The following NEB variants were observed in gnomAD, a reference collection of about 807,000 sequenced individuals.
The protein encoded by NEB is nebulin.
Under a neutral mutation model 952.2 loss-of-function variants are expected in NEB, and 512 were observed. That is an observed-to-expected ratio of 0.54 (90% CI 0.50 to 0.58). The LOEUF (loss-of-function observed/expected upper bound fraction) is 0.58, where lower values mean the gene tolerates loss of function less well. Among genes scored for constraint, NEB ranks in the 20% least tolerant of loss-of-function variants. NEB has a pLI of 0.00. For synonymous variants in NEB, 2,900 were observed against 3,149.8 expected (o/e 0.92, Z 2.66); for missense variants, 8,428 against 9,231.1 (o/e 0.91, Z 3.56).
intron 59 of NEB, 21 bp downstream of exon 59, chr2:151,642,744 C>T (rs1478827099): frequency 4.4e-6 from 7 of 1,603,076 alleles, no homozygotes; most frequent in Non-Finnish European, 4.3e-6. Flanking sequence ...ATGTATCACG[C>T]ACTATGAATA....
chr2:151,653,825 G>A (rs544666336), intron 52 of NEB, among the ~76,000 whole-genome samples, 167 bp downstream of exon 52: 1 of 152,168 alleles, frequency 6.6e-6, no homozygotes, highest in Admixed American at 6.6e-5. Flanking sequence ...TTTGACATAT[G>A]AACAGTGAAA....
At chr2:151,595,268 G>T (rs1474594994) in intron 92 of NEB, among the ~76,000 whole-genome samples, 1 of 144,348 alleles carries the variant, frequency 6.9e-6, no homozygotes, top group Non-Finnish European at 1.5e-5. Flanking sequence ...ATTTTTTTTT[G>T]AAACGCAGTT....
At chr2:151,493,727 G>T in intron 175 of NEB, 48 bp downstream of exon 175, 1 of 1,345,768 alleles carries the variant, frequency 7.4e-7, no homozygotes, top group Non-Finnish European at 1.0e-6. Context: ...AACCATGTTT[G>T]CCAGGGCTGT....
chr2:151,684,873 CGCTGGCAATT>C lies in NEB; in HGVS notation c.2730_2739del (p.Ile911ThrfsTer43). On this transcript the variant is annotated frameshift_variant, in exon 28 of 182. Transcript: ENST00000397345. LOFTEE classifies it high-confidence loss of function. ...TGTAAGATGTGCTTATAATCAACGT[CGCTGGCAATT>C]GCCTGAGATTTCTTAGCTTGAGTGA... is the stretch of plus-strand genomic sequence containing the variant. The C allele has an allele frequency of 1.9e-6, 3 of 1,613,220 alleles. No individual in the cohort carries two copies. Among genetic ancestry groups the C allele is most frequent in the Non-Finnish European group, 2.5e-6 (3 of 1,179,476 alleles).
chr2:151,569,151 A>T, intron 110 of NEB, 117 bp downstream of exon 110: 2 of 820,774 alleles, frequency 2.4e-6, no homozygotes, highest in Non-Finnish European at 4.0e-6. Context: ...TGCTCAGTTT[A>T]AATCACAGCA....
Position 151,617,485 on chromosome 2 carries a change from AAAAGAG to A in NEB, c.11077-23_11077-18del, listed in dbSNP as rs1322490589. 5 of 1,389,124 alleles carry A rather than the reference AAAAGAG, an allele frequency of 3.6e-6. No homozygotes were observed. The highest frequency in any genetic ancestry group is 4.8e-5 in the Admixed American group (2 of 42,006). The allele number at this position is 1,389,124 out of a possible 1,614,324, so 86.0% of individuals were successfully genotyped here. A position where few individuals can be genotyped will look rare whatever the true frequency, so the allele number is the denominator to read the frequency against. ...ATATAAGCGCTACAAAAAAAAAAAAAAAAGAGAGAGAGAGAGAGAAAAATTATTTTG... is the reference window on the plus strand; with the variant it reads ...ATATAAGCGCTACAAAAAAAAAAAAAAGAGAGAGAGAGAAAAATTATTTTG... On this transcript the variant is annotated intron_variant, in intron 74 of 181. Transcript: ENST00000397345.
rs568197703 is a variant in NEB at position 151,642,813 on chromosome 2, A to G, written c.8217T>C (p.Asp2739=). Reference sequence around the variant, plus strand: ...GTTTAGCTAATAAAACTTCAGGGGTATCTGGCATAATGTGGACAGTGGTTT... The same window carrying G: ...GTTTAGCTAATAAAACTTCAGGGGTGTCTGGCATAATGTGGACAGTGGTTT... ...KDKTTVHIMP[D]TPEVLLAKQN... is the part of the protein sequence containing the mutation. Residue 2739 remains aspartate (D), a synonymous_variant, in exon 59 of 182, where the codon GAT becomes GAC. Transcript: ENST00000397345. The G allele has an allele frequency of 3.7e-6, 6 of 1,613,168 alleles. No individual in the cohort carries two copies. The South Asian group carries it at 5.5e-5, about 15-fold the overall frequency.
intron 53 of NEB, 46 bp downstream of exon 53, chr2:151,650,528 A>G (rs974787447): frequency 6.7e-6 from 10 of 1,493,440 alleles, no homozygotes; most frequent in Non-Finnish European, 9.0e-6. Context: ...CTACTCATAT[A>G]AAATATGAAT....
At position 151,490,459 on chromosome 2, in the gene NEB, C is replaced by G; in HGVS notation, c.25210G>C (p.Gly8404Arg). ...SRSASALSIS[G>R]GEEKSEHSEA... is the part of the protein sequence containing the mutation. ...GAATGCTCAGACTTCTCCTCACCCC[C>G]ACTGATGCTTAGTGCACTGGCAGAT... Residue 8404 changes from glycine (G) to arginine (R), a missense_variant, in exon 180 of 182, where the codon GGG becomes CGG. Physicochemically the swap from Gly to Arg is moderately radical, Grantham distance 125 (BLOSUM62 -2). This residue lies in a region of NEB where 3,374 missense variants were observed against 3,651.5 expected (regional missense o/e 0.92). Transcript: ENST00000397345. 3.1e-6 allele frequency: 5 copies of G among 1,607,706 alleles called. No homozygotes were observed. Among genetic ancestry groups the G allele is most frequent in the Non-Finnish European group, 4.2e-6 (5 of 1,177,158 alleles).
chr2:151,695,429 T>C (rs2099589204), intron 18 of NEB, 149 bp downstream of exon 18: 2 of 651,882 alleles, frequency 3.1e-6, no homozygotes, highest in Non-Finnish European at 5.4e-6. Context: ...AATTCAGTTA[T>C]ACTGGCAGAG....
chr2:151,488,606 A>G (rs1194255301), intron 181 of NEB, among the ~76,000 whole-genome samples: 1 of 152,092 alleles, frequency 6.6e-6, no homozygotes, highest in East Asian at 1.9e-4. Flanking sequence ...TGATCATGCC[A>G]CCACACTGCA....
Position 151,682,730 on chromosome 2 carries a change from A to G in NEB, c.2875T>C (p.Cys959Arg). ...AAGGACCCAAAAGGCACCCAGCCAC[A>G]ACCTTTCATCCAGCTATTGTAGTCA... ...KADYNSWMKG[C>R]GWVPFGSLEM... Residue 959 changes from cysteine (C) to arginine (R), a missense_variant, in exon 29 of 182, where the codon TGT becomes CGT. Coordinates refer to ENST00000397345, the MANE Select transcript of NEB (RefSeq NM_001164508.2). The G allele has an allele frequency of 6.2e-7, 1 of 1,613,416 alleles. No individual in the cohort carries two copies. The highest frequency in any genetic ancestry group is 8.5e-7 in the Non-Finnish European group (1 of 1,179,594).
At chr2:151,710,333 A>G (rs2099741101) in intron 11 of NEB, 101 bp downstream of exon 11, 1 of 655,934 alleles carries the variant, frequency 1.5e-6, no homozygotes, top group Admixed American at 2.7e-5. Flanking sequence ...AGGGGCCTCA[A>G]GTGTTCTGGC....
Position 151,609,963 on chromosome 2 carries a change from G to C in NEB, c.12176C>G (p.Ser4059Cys), listed in dbSNP as rs1475951452. 9 of 1,613,856 alleles carry C rather than the reference G, an allele frequency of 5.6e-6. No homozygotes were observed. Among genetic ancestry groups the C allele is most frequent in the Admixed American group, 3.3e-5 (2 of 60,004 alleles). ...GATGCTTAACATGTCCACTGGGCTA[G>C]AGAACTTGGTTTTCCACTTTTGGAA... The part of the protein sequence containing the change: ...KEFQKWKTKF[S>C]SPVDMLSILL... The change falls in exon 81 of 182, where the codon TCT becomes TGT. Residue 4059 changes from serine to cysteine, a missense_variant. By Grantham distance (112) the Ser-to-Cys change is moderately radical (BLOSUM62 -1). Around this residue, in one of 11 missense-constraint regions of NEB, gnomAD observed 337 missense variants for 297.5 expected, o/e 1.13. Transcript: ENST00000397345.
intron 65 of NEB, among the ~76,000 whole-genome samples, chr2:151,631,935 C>A (rs34579746): frequency 6.6e-6 from 1 of 152,078 alleles, no homozygotes. Flanking sequence ...ATCTGTAATG[C>A]CTTTAAAAAC....
At chr2:151,705,121 TCCTATA>T (rs1212106900) in intron 13 of NEB, among the ~76,000 whole-genome samples, 3 of 152,196 alleles carry the variant, frequency 2.0e-5, no homozygotes, top group East Asian at 3.9e-4. Flanking sequence ...TCTCCCTCCC[TCCTATA>T]CCTATAAGAA....
chr2:151,497,399 AAAG>A (rs1472104831), intron 171 of NEB: 2 of 977,344 alleles, frequency 2.0e-6, no homozygotes, highest in African/African-American at 3.5e-5. Flanking sequence ...ATTTTAAAAA[AAAG>A]ATTGAAAATA....
chr2:151,568,257 A>G, intron 112 of NEB, 59 bp downstream of exon 112: 1 of 1,590,426 alleles, frequency 6.3e-7, no homozygotes, highest in Non-Finnish European at 8.6e-7. Context: ...ATTATCCTAC[A>G]GTTCCATTAA....
intron 162 of NEB, chr2:151,507,647 C>T (rs1427781771): frequency 1.6e-4 from 35 of 223,956 alleles, no homozygotes; most frequent in Non-Finnish European, 1.6e-4. Flanking sequence ...ACACATATTT[C>T]CCTGTTTCTT....
Sources: gnomAD v4.1 joint callset for allele counts (sites outside exome capture counted in the v4.1 genomes callset) on GRCh38, gnomAD v4.1.1 for gene constraint, gnomAD v4.1.1 regional missense constraint, MANE v1.5 for transcripts, NCBI Gene and HGNC (gene_info 2026-07-23, HGNC 2026-07-21) for gene names.